PRELID1: variants seen among roughly 807,000 people sequenced by gnomAD.
PRELID1 encodes PRELI domain-containing protein 1, mitochondrial.
Under a neutral mutation model 29.0 loss-of-function variants are expected in PRELID1, and 15 were observed. The observed-to-expected ratio is 0.52, with a 90% CI of 0.35 to 0.80. The LOEUF is 0.80. Among genes scored for constraint, PRELID1 ranks in the 30% least tolerant of loss-of-function variants. PRELID1 has a pLI of 0.01. For missense variants in PRELID1, 187 were observed against 275.9 expected, an observed-to-expected ratio of 0.68 and a Z score of 2.28; for synonymous variants, 79 against 106.5, an observed-to-expected ratio of 0.74 and a Z score of 1.59.
chr5:177,305,138 T>A (rs1256546804), intron 2 of PRELID1, among the ~76,000 whole-genome samples: 1 of 151,986 alleles, frequency 6.6e-6, no homozygotes, highest in Non-Finnish European at 1.5e-5. Context: ...ATCTGGCATC[T>A]ATGGCACAGA....
rs751534749 is a variant in PRELID1, at chr5:177,306,147, G to A, written c.482G>A (p.Gly161Asp). ...FKSNVTKTMKGFEYILAKLQG... is the reference protein window; with the variant it reads ...FKSNVTKTMKDFEYILAKLQG... ...AGCAACGTGACCAAGACTATGAAGG[G>A]TTTTGAATATATCTTGGCTAAGCTG... The change falls in exon 4 of 5, where the codon GGT becomes GAT. Residue 161 changes from glycine (G) to aspartate (D), a missense_variant. Physicochemically the swap from Gly to Asp is moderately conservative, Grantham distance 94. Transcript: ENST00000303204. 6.2e-7 allele frequency: 1 copy of A among 1,613,930 alleles called. No homozygotes were observed. The highest frequency in any genetic ancestry group is 1.7e-5 in the Admixed American group (1 of 60,022).
Position 177,304,693 on chromosome 5 carries a change from G to A in PRELID1, c.161G>A (p.Arg54Gln). The A allele has an allele frequency of 6.2e-7, 1 of 1,614,070 alleles. No homozygotes were observed. The highest frequency in any genetic ancestry group is 8.5e-7 in the Non-Finnish European group (1 of 1,179,970). The change falls in exon 2 of 5, where the codon CGA (arginine) becomes CAA (glutamine). Residue 54 changes from arginine to glutamine, a missense_variant. Transcript: ENST00000303204. The part of the protein sequence containing the change: ...VTPDQKLLSR[R>Q]LLTKTNRMPR... ...CCTGACCAGAAACTGCTGTCCCGGCGACTCCTGACCAAGACCAACAGGATG... is the reference window on the plus strand; with the variant it reads ...CCTGACCAGAAACTGCTGTCCCGGCAACTCCTGACCAAGACCAACAGGATG...
rs1408903783 is a variant in PRELID1, at chr5:177,306,679, C to T, written c.*109C>T. The stretch of plus-strand genomic sequence containing the variant: ...AACTTCCAGCCCTGTCTGCTGTCTA[C>T]GTGGTGGGTTGTGGGGATGCAGTTT... On this transcript the variant is annotated 3_prime_UTR_variant, in exon 5 of 5. Coordinates refer to ENST00000303204, the MANE Select transcript of PRELID1 (RefSeq NM_013237.4). 29 of 1,456,948 alleles carry T rather than the reference C, an allele frequency of 2.0e-5. No individual in the cohort carries two copies. The highest frequency in any genetic ancestry group is 7.7e-5 in the South Asian group (6 of 77,714). The allele number at this position is 1,456,948 out of a possible 1,614,324, so 90.3% of individuals were successfully genotyped here.
chr5:177,304,800 A>G lies in PRELID1; in HGVS notation c.268A>G (p.Asn90Asp). 1 of 1,613,744 alleles carries G rather than the reference A, an allele frequency of 6.2e-7. No individual in the cohort carries two copies. Among genetic ancestry groups the G allele is most frequent in the Non-Finnish European group, 8.5e-7 (1 of 1,179,822 alleles). The change falls in exon 2 of 5, where the codon AAT (asparagine) becomes GAT (aspartate). Residue 90 changes from asparagine (N) to aspartate (D), a missense_variant. Physicochemically the swap from Asn to Asp is conservative, Grantham distance 23 (BLOSUM62 1). Transcript: ENST00000303204. The part of the protein sequence containing the change: ...VLEDSIVDPQ[N>D]QTMTTFTWNI... ...GGAGGACTCTATTGTGGACCCACAG[A>G]ATCAGACCATGACTACCTTCACCTG...
Position 177,303,943 on chromosome 5 carries a change from C to T in PRELID1, c.-43C>T, listed in dbSNP as rs781424370. 1.3e-6 allele frequency: 2 copies of T among 1,572,540 alleles called. No homozygotes were observed. Among genetic ancestry groups the T allele is most frequent in the Non-Finnish European group, 1.7e-6 (2 of 1,157,708 alleles). On this transcript the variant is annotated 5_prime_UTR_variant, in exon 1 of 5. Transcript: ENST00000303204. The surrounding 1 kb of genome is among the most constrained non-coding windows in gnomAD (Gnocchi z 6.1). The stretch of plus-strand genomic sequence containing the variant: ...CCTCGCGTGCCTCCCAGGCTCCGCA[C>T]CCCTGATGCTGCGCGGGTGCTGAGC...
At chr5:177,305,611 A>C in intron 2 of PRELID1, 1 of 490,184 alleles carries the variant, frequency 2.0e-6, no homozygotes, top group Non-Finnish European at 3.7e-6. Context: ...CAGGAGCAGG[A>C]TGGGCTGGAA....
rs1290657031 is a variant in PRELID1 at position 177,306,791 on chromosome 5, A to C, written c.*221A>C. 2 of 851,274 alleles carry C rather than the reference A, an allele frequency of 2.3e-6. No individual in the cohort carries two copies. Among genetic ancestry groups the C allele is most frequent in the South Asian group, 1.8e-5 (1 of 55,618 alleles). 52.7% of individuals were successfully genotyped at this position (851,274 alleles called of 1,614,324 possible). On this transcript the variant is annotated 3_prime_UTR_variant, in exon 5 of 5. Coordinates refer to ENST00000303204, the MANE Select transcript of PRELID1 (RefSeq NM_013237.4). Reference sequence around the variant, plus strand: ...TGGGCAGCTGAGGACCGAGGCACAGAGGTGCGGTGACTTGCCCGGGGCTCC... The same window carrying C: ...TGGGCAGCTGAGGACCGAGGCACAGCGGTGCGGTGACTTGCCCGGGGCTCC...
intron 2 of PRELID1, chr5:177,305,589 C>T (rs972915800): frequency 2.0e-5 from 9 of 442,490 alleles, no homozygotes; most frequent in Non-Finnish European, 3.3e-5. Flanking sequence ...TCTAGATGCA[C>T]AAAACAAAAT....
chr5:177,305,002 T>C, intron 2 of PRELID1, 152 bp downstream of exon 2: 1 of 711,240 alleles, frequency 1.4e-6, no homozygotes, highest in Non-Finnish European at 2.3e-6. Flanking sequence ...CTGTAGAGTA[T>C]GACCTCAGGT....
intron 1 of PRELID1, 41 bp downstream of exon 1, chr5:177,304,118 A>G (rs762767308): frequency 1.9e-6 from 3 of 1,559,728 alleles, no homozygotes; most frequent in African/African-American, 1.4e-5. Context: ...CCATCTCGCT[A>G]TCTGGAGATC....
At position 177,303,968 on chromosome 5, in the gene PRELID1, C is replaced by T. The variant is rs1760786317; in HGVS notation, c.-18C>T. 6.2e-7 allele frequency: 1 copy of T among 1,603,768 alleles called. No homozygotes were observed. The highest frequency in any genetic ancestry group is 8.5e-7 in the Non-Finnish European group (1 of 1,178,278). On this transcript the variant is annotated 5_prime_UTR_variant, in exon 1 of 5. Transcript: ENST00000303204. This position sits in a 1 kb window ranked among gnomAD's most constrained non-coding sequence, Gnocchi z 6.1. ...CCCCTGATGCTGCGCGGGTGCTGAG[C>T]CCGCTTCGGCCGGGACGATGGTGAA...
rs4635949 is a variant in PRELID1 at position 177,306,676 on chromosome 5, C to A, written c.*106C>A. 1 of 1,466,296 alleles carries A rather than the reference C, an allele frequency of 6.8e-7. No homozygotes were observed. Among genetic ancestry groups the A allele is most frequent in the South Asian group, 1.3e-5 (1 of 78,368 alleles). The allele number at this position is 1,466,296 out of a possible 1,614,324, so 90.8% of individuals were successfully genotyped here. ...ATCAACTTCCAGCCCTGTCTGCTGTCTACGTGGTGGGTTGTGGGGATGCAG... is the reference window on the plus strand; with the variant it reads ...ATCAACTTCCAGCCCTGTCTGCTGTATACGTGGTGGGTTGTGGGGATGCAG... On this transcript the variant is annotated 3_prime_UTR_variant, in exon 5 of 5. Coordinates refer to ENST00000303204, the MANE Select transcript of PRELID1 (RefSeq NM_013237.4).
At position 177,304,807 on chromosome 5, in the gene PRELID1, C is replaced by T. The variant is rs766750749; in HGVS notation, c.275C>T (p.Thr92Ile). The change falls in exon 2 of 5, where the codon ACC becomes ATC. Residue 92 changes from threonine (T) to isoleucine (I), a missense_variant. Thr to Ile is a moderately conservative substitution (Grantham distance 89, BLOSUM62 -1). Transcript: ENST00000303204. Reference sequence around the variant, plus strand: ...TCTATTGTGGACCCACAGAATCAGACCATGACTACCTTCACCTGGAACATC... The same window carrying T: ...TCTATTGTGGACCCACAGAATCAGATCATGACTACCTTCACCTGGAACATC... ...EDSIVDPQNQ[T>I]MTTFTWNINH... 1.2e-6 allele frequency: 2 copies of T among 1,613,776 alleles called. No individual in the cohort carries two copies. Among genetic ancestry groups the T allele is most frequent in the East Asian group, 2.2e-5 (1 of 44,870 alleles).
In PRELID1 at chr5:177,304,879, C is replaced by T. The variant is rs765354265; in HGVS notation, c.318+29C>T. On this transcript the variant is annotated intron_variant, in intron 2 of 4. Coordinates refer to ENST00000303204, the MANE Select transcript of PRELID1 (RefSeq NM_013237.4). ...AGACACCTCCTGTTGTGATTCTGCA[C>T]CTCCCCCTCTCCCCTCCCCCCGAGA... 7.8e-6 allele frequency: 12 copies of T among 1,538,416 alleles called. No individual in the cohort carries two copies. In the Admixed American group the frequency reaches 2.0e-4, roughly 25 times the overall value.
In PRELID1 at chr5:177,304,145, C is replaced by T. The variant is rs1174129469; in HGVS notation, c.92+68C>T. On this transcript the variant is annotated intron_variant, in intron 1 of 4. Transcript: ENST00000303204. Reference sequence around the variant, plus strand: ...CTGGAGATCGAATTATGGGTAACCCCCAAGTACTGGGACCAGGAAGGACTC... The same window carrying T: ...CTGGAGATCGAATTATGGGTAACCCTCAAGTACTGGGACCAGGAAGGACTC... 1.2e-5 allele frequency: 17 copies of T among 1,427,874 alleles called. No homozygotes were observed. The Middle Eastern group carries it at 5.2e-4, about 44-fold the overall frequency. The allele number at this position is 1,427,874 out of a possible 1,614,324, so 88.5% of individuals were successfully genotyped here. A position where few individuals can be genotyped will look rare whatever the true frequency, so the allele number is the denominator to read the frequency against.
chr5:177,305,844 C>A, intron 2 of PRELID1, 27 bp from the exon 3 acceptor site: 2 of 1,593,248 alleles, frequency 1.3e-6, no homozygotes, highest in Non-Finnish European at 1.7e-6. Flanking sequence ...AAAGACTGTT[C>A]CACGATTGTG....
Position 177,306,442 on chromosome 5 carries a change from C to G in PRELID1, c.532C>G (p.Leu178Val). 2 of 1,614,130 alleles carry G rather than the reference C, an allele frequency of 1.2e-6. No homozygotes were observed. The highest frequency in any genetic ancestry group is 1.7e-6 in the Non-Finnish European group (2 of 1,180,018). ...KLQGEAPSKT[L>V]VETAKEAKEK... ...GACAGGCGAGGCCCCTTCCAAAACA[C>G]TTGTTGAGACAGCCAAGGAAGCCAA... Residue 178 changes from leucine (L) to valine (V), a missense_variant, in exon 5 of 5, where the codon CTT becomes GTT. By Grantham distance (32) the Leu-to-Val change is conservative (BLOSUM62 1). Coordinates refer to ENST00000303204, the MANE Select transcript of PRELID1 (RefSeq NM_013237.4).
intron 1 of PRELID1, chr5:177,304,296 G>C (rs544217647): frequency 3.3e-6 from 2 of 603,896 alleles, no homozygotes; most frequent in East Asian, 2.8e-5. Context: ...TTCTCAGTGT[G>C]GTGAGACAAG....
chr5:177,303,885 G>T lies in PRELID1; in HGVS notation c.-101G>T. 2.1e-6 allele frequency: 2 copies of T among 970,354 alleles called. No homozygotes were observed. The highest frequency in any genetic ancestry group is 3.1e-5 in the South Asian group (2 of 63,736). The allele number at this position is 970,354 out of a possible 1,614,324, so 60.1% of individuals were successfully genotyped here. On this transcript the variant is annotated 5_prime_UTR_variant, in exon 1 of 5. Transcript: ENST00000303204. The surrounding 1 kb of genome is among the most constrained non-coding windows in gnomAD (Gnocchi z 6.1). ...TGGTGACTGAGCTACGAGCCTGGCGGCGGGTGTGCGCCGAGCCCCGGCCCG... is the reference window on the plus strand; with the variant it reads ...TGGTGACTGAGCTACGAGCCTGGCGTCGGGTGTGCGCCGAGCCCCGGCCCG...
Sources: gnomAD v4.1 joint callset for allele counts (sites outside exome capture counted in the v4.1 genomes callset) on GRCh38, gnomAD v4.1.1 for gene constraint, Gnocchi (gnomAD v3.1) non-coding constraint, MANE v1.5 for transcripts, NCBI Gene and HGNC (gene_info 2026-07-23, HGNC 2026-07-21) for gene names.